MTHFD1L: variants seen among roughly 807,000 people sequenced by gnomAD.
MTHFD1L encodes monofunctional C1-tetrahydrofolate synthase, mitochondrial.
A neutral mutation model predicts 119.5 loss-of-function variants in MTHFD1L; 81 were observed. The observed-to-expected ratio is 0.68, with a 90% CI of 0.57 to 0.82. The LOEUF (loss-of-function observed/expected upper bound fraction) is 0.82, where lower values mean the gene tolerates loss of function less well. Among genes scored for constraint, MTHFD1L ranks in the 40% least tolerant of loss-of-function variants. The probability of loss-of-function intolerance (pLI) is 0.00; values close to 1 mark genes in which losing one functional copy is unlikely to be tolerated. For missense variants in MTHFD1L, 1,125 were observed against 1,253.4 expected, an observed-to-expected ratio of 0.90 and a Z score of 1.55; for synonymous variants, 430 against 475.2, an observed-to-expected ratio of 0.90 and a Z score of 1.24.
At chr6:151,046,471 GTATATATATATATA>G (rs1156377344) in intron 26 of MTHFD1L, among the ~76,000 whole-genome samples, 1,258 of 36,402 alleles carry the variant, frequency 0.035, 34 homozygotes, top group African/African-American at 0.064. Context: ...ATGTGTGTGT[GTATATATATATATA>G]TATATATATA....
In MTHFD1L at chr6:151,091,195, T is replaced by C. The variant is rs1372656210; in HGVS notation, c.2848-1272T>C. Among the ~76,000 whole-genome samples, 125 of 76,302 alleles carry C rather than the reference T, an allele frequency of 1.6e-3. 1 individual carries two copies. Among genetic ancestry groups the C allele is most frequent in the African/African-American group, 6.6e-3 (106 of 16,024 alleles). 50.1% of individuals were successfully genotyped at this position (76,302 alleles called of 152,430 possible). ...TTCCATGCGACTGGGTGCAGCATCG[T>C]TCCATGCGACTGGGTGCAGCATTGC... On this transcript the variant is annotated intron_variant, in intron 26 of 27. Coordinates refer to ENST00000367321, the MANE Select transcript of MTHFD1L (RefSeq NM_015440.5).
intron 2 of MTHFD1L, among the ~76,000 whole-genome samples, chr6:150,877,104 G>A (rs1458420602): frequency 6.6e-6 from 1 of 152,162 alleles, no homozygotes; most frequent in Non-Finnish European, 1.5e-5. Flanking sequence ...CTGAGCTGGA[G>A]TGCAGTGGCA....
chr6:150,866,135 G>A (rs1431581520), intron 1 of MTHFD1L, 86 bp downstream of exon 1: 3 of 1,417,178 alleles, frequency 2.1e-6, no homozygotes, highest in Admixed American at 5.7e-5. Context: ...GCCGTGGGGA[G>A]CGGGGCGCGG....
intron 26 of MTHFD1L, among the ~76,000 whole-genome samples, chr6:151,071,666 G>T (rs529102758): frequency 6.6e-6 from 1 of 152,196 alleles, no homozygotes; most frequent in African/African-American, 2.4e-5. Flanking sequence ...GTTTTGTTTG[G>T]AAAAGGCAGA....
intron 26 of MTHFD1L, among the ~76,000 whole-genome samples, chr6:151,052,012 C>T (rs565318573): frequency 1.3e-5 from 2 of 152,194 alleles, no homozygotes; most frequent in African/African-American, 2.4e-5. Context: ...GCATGTGTGC[C>T]GGGAGACGCA....
At chr6:150,885,554 G>A (rs1782104704) in intron 5 of MTHFD1L, 80 bp from the exon 6 acceptor site, 2 of 955,658 alleles carry the variant, frequency 2.1e-6, no homozygotes, top group Middle Eastern at 2.2e-4. Flanking sequence ...TGTTATTTGG[G>A]GTTAATATAT....
chr6:150,977,887 C>CATAT (rs199641296), intron 20 of MTHFD1L, among the ~76,000 whole-genome samples: 161 of 148,432 alleles, frequency 1.1e-3, no homozygotes, highest in African/African-American at 1.5e-3. Flanking sequence ...CATATGGAGA[C>CATAT]ATATATATAT....
chr6:151,082,249 C>T (rs1279568224), intron 26 of MTHFD1L, among the ~76,000 whole-genome samples: 1 of 152,136 alleles, frequency 6.6e-6, no homozygotes, highest in Admixed American at 6.5e-5. Flanking sequence ...TCAGCTCTTC[C>T]CAGCATCTTC....
intron 19 of MTHFD1L, among the ~76,000 whole-genome samples, chr6:150,969,309 C>A (rs1797701334): frequency 6.6e-6 from 1 of 152,100 alleles, no homozygotes; most frequent in South Asian, 2.1e-4. Context: ...ATAATCTAAA[C>A]CTGTTATTTC....
chr6:151,013,968 T>G, intron 22 of MTHFD1L, 148 bp downstream of exon 22: 1 of 686,496 alleles, frequency 1.5e-6, no homozygotes, highest in South Asian at 1.9e-5. Context: ...ATTTCAGCAC[T>G]TTGGGAGGCC....
At position 150,926,883 on chromosome 6, in the gene MTHFD1L, A is replaced by G. The variant is rs1252171790; in HGVS notation, c.1256+588A>G. On this transcript the variant is annotated intron_variant, in intron 11 of 27. Coordinates refer to ENST00000367321, the MANE Select transcript of MTHFD1L (RefSeq NM_015440.5). The surrounding 1 kb of genome is among the most constrained non-coding windows in gnomAD (Gnocchi z 4.3). ...TTTGCCTTTTTCCCCTTCTTTTTAA[A>G]AAAAGAAGTACATTCACTAGCTGAA... Among the ~76,000 whole-genome samples, 3 of 152,114 alleles carry G rather than the reference A, an allele frequency of 2.0e-5. No individual in the cohort carries two copies. The highest frequency in any genetic ancestry group is 4.8e-5 in the African/African-American group (2 of 41,388).
chr6:151,023,402 A>G (rs1360094856), intron 24 of MTHFD1L, among the ~76,000 whole-genome samples: 1 of 152,024 alleles, frequency 6.6e-6, no homozygotes, highest in African/African-American at 2.4e-5. Flanking sequence ...ATCCCTCTCA[A>G]ATCTAGATGC....
At chr6:150,968,239 A>C (rs1293167699) in intron 19 of MTHFD1L, among the ~76,000 whole-genome samples, 5 of 152,044 alleles carry the variant, frequency 3.3e-5, no homozygotes, top group Admixed American at 3.3e-4. Flanking sequence ...GATGACAGCA[A>C]GACCTTTTCC....
intron 20 of MTHFD1L, among the ~76,000 whole-genome samples, chr6:151,001,551 G>A (rs953328381): frequency 7.9e-5 from 12 of 152,202 alleles, no homozygotes; most frequent in Non-Finnish European, 1.8e-4. Flanking sequence ...ACCCAGGCTA[G>A]AGCATTGGGG....
chr6:150,960,054 G>T (rs1796208071), intron 17 of MTHFD1L, among the ~76,000 whole-genome samples: 1 of 152,196 alleles, frequency 6.6e-6, no homozygotes, highest in South Asian at 2.1e-4. Context: ...AGCAGAGCAT[G>T]GCAAAGAGCA....
chr6:151,039,550 G>A lies in MTHFD1L; in HGVS notation c.2847+2433G>A, dbSNP rs1786726246. Reference sequence around the variant, plus strand: ...ACTACAGGCTCATGCCACTGTGCCAGGCCTGTGTATAATTTAATTATACCT... The same window carrying A: ...ACTACAGGCTCATGCCACTGTGCCAAGCCTGTGTATAATTTAATTATACCT... On this transcript the variant is annotated intron_variant, in intron 26 of 27. Coordinates refer to ENST00000367321, the MANE Select transcript of MTHFD1L (RefSeq NM_015440.5). The surrounding 1 kb of genome is among the most constrained non-coding windows in gnomAD (Gnocchi z 4.4). Among the ~76,000 whole-genome samples the A allele has an allele frequency of 6.6e-6, 1 of 152,098 alleles. No homozygotes were observed. Among genetic ancestry groups the A allele is most frequent in the Non-Finnish European group, 1.5e-5 (1 of 68,020 alleles).
intron 20 of MTHFD1L, among the ~76,000 whole-genome samples, chr6:150,988,795 G>A (rs544821908): frequency 1.4e-4 from 22 of 152,226 alleles, no homozygotes; most frequent in African/African-American, 4.8e-4. Context: ...TAGTAGAGGT[G>A]GGGTTTCTCC....
chr6:150,886,459 GAGA>G lies in MTHFD1L; in HGVS notation c.643+737_643+739del, dbSNP rs982503283. On this transcript the variant is annotated intron_variant, in intron 6 of 27. Transcript: ENST00000367321. Reference sequence around the variant, plus strand: ...TCAAAAAAAAAAAAAAAAAAAAAAAGAGAAGAAGAAGAAGCCGGTAGATGTAGT... The same window carrying G: ...TCAAAAAAAAAAAAAAAAAAAAAAAGAGAAGAAGAAGCCGGTAGATGTAGT... Among the ~76,000 whole-genome samples, 5 of 136,638 alleles carry G rather than the reference GAGA, an allele frequency of 3.7e-5. No individual in the cohort carries two copies. In the East Asian group the frequency reaches 6.5e-4, roughly 18 times the overall value. 89.6% of individuals were successfully genotyped at this position (136,638 alleles called of 152,430 possible).
intron 10 of MTHFD1L, among the ~76,000 whole-genome samples, chr6:150,923,747 G>T (rs1187835006): frequency 6.6e-6 from 1 of 151,170 alleles, no homozygotes; most frequent in Non-Finnish European, 1.5e-5. Context: ...GAACACCCTG[G>T]TTCAGTTCTA....
Sources: gnomAD v4.1 joint callset for allele counts (sites outside exome capture counted in the v4.1 genomes callset) on GRCh38, gnomAD v4.1.1 for gene constraint, Gnocchi (gnomAD v3.1) non-coding constraint, MANE v1.5 for transcripts, NCBI Gene and HGNC (gene_info 2026-07-23, HGNC 2026-07-21) for gene names.